The following SIK2 variants were observed in gnomAD, a reference collection of about 807,000 sequenced individuals.
SIK2 encodes the protein serine/threonine-protein kinase SIK2.
SIK2 carries 29 observed loss-of-function variants against 103.2 expected under a neutral mutation model. The observed-to-expected ratio is 0.28, with a 90% CI of 0.21 to 0.38. SIK2 has a LOEUF of 0.38. SIK2 is among the 10% of genes least tolerant of loss of function. The pLI, the probability that SIK2 is intolerant of heterozygous loss-of-function variation, is 1.00. For synonymous variants in SIK2, 412 were observed against 446.1 expected (o/e 0.92, Z 0.96); for missense variants, 879 against 1,171.0 (o/e 0.75, Z 3.64).
intron 1 of SIK2, among the ~76,000 whole-genome samples, chr11:111,611,690 T>G (rs1476057560): frequency 6.6e-6 from 1 of 152,178 alleles, no homozygotes; most frequent in African/African-American, 2.4e-5. Context: ...TATAAATTTA[T>G]TGAAAGTTTT....
chr11:111,603,493 A>G (rs924163717), intron 1 of SIK2, among the ~76,000 whole-genome samples: 3 of 151,796 alleles, frequency 2.0e-5, no homozygotes, highest in Non-Finnish European at 1.5e-5. Flanking sequence ...TTCTGCCTCT[A>G]CTCATAAAGC....
chr11:111,616,971 C>T (rs1336141520), intron 2 of SIK2, among the ~76,000 whole-genome samples: 1 of 152,068 alleles, frequency 6.6e-6, no homozygotes, highest in Non-Finnish European at 1.5e-5. Flanking sequence ...AACCACTAAA[C>T]TAGTATATTA....
chr11:111,716,751 G>A (rs998787908), intron 9 of SIK2, among the ~76,000 whole-genome samples: 9 of 152,142 alleles, frequency 5.9e-5, no homozygotes, highest in South Asian at 4.2e-4. Context: ...AAGTAAAACC[G>A]TAAATTCAGG....
At position 111,727,492 on chromosome 11, in the gene SIK2, T is replaced by C. The variant is rs990377814; in HGVS notation, c.*3363T>C. The C allele has an allele frequency of 5.6e-6, 1 of 179,060 alleles. No individual in the cohort carries two copies. The highest frequency in any genetic ancestry group is 1.2e-5 in the Non-Finnish European group (1 of 83,804). 11.1% of individuals were successfully genotyped at this position (179,060 alleles called of 1,614,324 possible). ...CTTCCCAACTCTGGTGCTGGAGTAA[T>C]GGGGTGCTCTGCATTTTGATGGGGA... On this transcript the variant is annotated 3_prime_UTR_variant, in exon 15 of 15. Coordinates refer to ENST00000304987, the MANE Select transcript of SIK2 (RefSeq NM_015191.3).
At chr11:111,624,628 A>G (rs1941937556) in intron 3 of SIK2, among the ~76,000 whole-genome samples, 2 of 152,264 alleles carry the variant, frequency 1.3e-5, no homozygotes, top group South Asian at 2.1e-4. Context: ...TGTGGTAAGA[A>G]AACTGCAATG....
intron 8 of SIK2, among the ~76,000 whole-genome samples, chr11:111,708,516 G>A (rs1039264911): frequency 6.6e-5 from 10 of 152,124 alleles, no homozygotes; most frequent in African/African-American, 2.4e-4. Context: ...TAATTGAGTT[G>A]AGACTATTTA....
At chr11:111,611,712 G>A (rs1941728677) in intron 1 of SIK2, among the ~76,000 whole-genome samples, 2 of 152,218 alleles carry the variant, frequency 1.3e-5, no homozygotes, top group African/African-American at 2.4e-5. Flanking sequence ...TTAAGATAAT[G>A]TATATATAAT....
chr11:111,638,482 C>A (rs1173058894), intron 3 of SIK2, among the ~76,000 whole-genome samples: 1 of 152,166 alleles, frequency 6.6e-6, no homozygotes, highest in African/African-American at 2.4e-5. Context: ...GTCTTTGGGG[C>A]ATTCTACTAT....
intron 1 of SIK2, among the ~76,000 whole-genome samples, chr11:111,604,705 G>A (rs58749400): frequency 6.6e-6 from 1 of 152,184 alleles, no homozygotes; most frequent in East Asian, 1.9e-4. Flanking sequence ...CGTGTGTGTA[G>A]TATATATGTG....
chr11:111,611,629 A>G (rs975066751), intron 1 of SIK2, among the ~76,000 whole-genome samples: 2 of 152,208 alleles, frequency 1.3e-5, no homozygotes, highest in Non-Finnish European at 2.9e-5. Flanking sequence ...CAGTTTATAC[A>G]GGAAACCTTT....
intron 3 of SIK2, among the ~76,000 whole-genome samples, chr11:111,640,612 G>A (rs1364400623): frequency 6.6e-6 from 1 of 151,942 alleles, no homozygotes; most frequent in Non-Finnish European, 1.5e-5. Context: ...TTGAGGAGGA[G>A]GGTACTATCT....
At chr11:111,608,668 A>G (rs1565304092) in intron 1 of SIK2, among the ~76,000 whole-genome samples, 2 of 152,254 alleles carry the variant, frequency 1.3e-5, no homozygotes, top group African/African-American at 4.8e-5. Context: ...TTGACTATCC[A>G]TATTTTATTT....
chr11:111,705,263 T>C lies in SIK2; in HGVS notation c.1101+124T>C. On this transcript the variant is annotated intron_variant, in intron 8 of 14. Coordinates refer to ENST00000304987, the MANE Select transcript of SIK2 (RefSeq NM_015191.3). The surrounding 1 kb of genome is among the most constrained non-coding windows in gnomAD (Gnocchi z 4.3). ...ACACTCCGTTTTTCTGTAAAATTTC[T>C]GCCTGCCATTCACTAGATTCTCAAA... 9.8e-7 allele frequency: 1 copy of C among 1,021,862 alleles called. No individual in the cohort carries two copies. Among genetic ancestry groups the C allele is most frequent in the Non-Finnish European group, 1.3e-6 (1 of 768,586 alleles). The allele number at this position is 1,021,862 out of a possible 1,614,324, so 63.3% of individuals were successfully genotyped here. A position where few individuals can be genotyped will look rare whatever the true frequency, so the allele number is the denominator to read the frequency against.
At chr11:111,640,147 T>A (rs549716392) in intron 3 of SIK2, among the ~76,000 whole-genome samples, 3 of 152,340 alleles carry the variant, frequency 2.0e-5, no homozygotes, top group Admixed American at 2.0e-4. Flanking sequence ...TAGAACTCTC[T>A]TGCTGTTTTT....
chr11:111,655,486 A>G (rs562757439), intron 3 of SIK2, among the ~76,000 whole-genome samples: 2 of 152,230 alleles, frequency 1.3e-5, no homozygotes, highest in Non-Finnish European at 2.9e-5. Context: ...CTGCTTCTAT[A>G]GGTCAGGCAA....
At chr11:111,709,947 G>C (rs541716078) in intron 8 of SIK2, among the ~76,000 whole-genome samples, 16 of 152,164 alleles carry the variant, frequency 1.1e-4, no homozygotes, top group African/African-American at 1.4e-4. Flanking sequence ...AGTCAGGGAC[G>C]GAGCAGTGTG....
rs1943894328 is a variant in SIK2 at position 111,724,107 on chromosome 11, A to G, written c.2759A>G (p.Asn920Ser). ...EMLDAVDPQH[N>S]GYVLVN ...CTAGACGCTGTGGATCCACAACACA[A>G]CGGGTATGTCCTGGTGAATTAGTCT... is the stretch of plus-strand genomic sequence containing the variant. Residue 920 changes from asparagine to serine, a missense_variant, in exon 15 of 15, where the codon AAC (asparagine) becomes AGC (serine). By Grantham distance (46) the Asn-to-Ser change is conservative. Transcript: ENST00000304987. 6.2e-7 allele frequency: 1 copy of G among 1,611,864 alleles called. No individual in the cohort carries two copies. The highest frequency in any genetic ancestry group is 1.7e-5 in the Admixed American group (1 of 60,008).
intron 3 of SIK2, among the ~76,000 whole-genome samples, chr11:111,677,713 G>A (rs1942722638): frequency 6.6e-6 from 1 of 151,414 alleles, no homozygotes; most frequent in African/African-American, 2.4e-5. Flanking sequence ...ACAGGCTTGA[G>A]CCACCACGCC....
At chr11:111,663,900 G>A (rs1231731533) in intron 3 of SIK2, among the ~76,000 whole-genome samples, 1 of 152,214 alleles carries the variant, frequency 6.6e-6, no homozygotes, top group South Asian at 2.1e-4. Context: ...GGAGACTAAA[G>A]CACAGAAAAG....
Sources: gnomAD v4.1 joint callset for allele counts (sites outside exome capture counted in the v4.1 genomes callset) on GRCh38, gnomAD v4.1.1 for gene constraint, Gnocchi (gnomAD v3.1) non-coding constraint, MANE v1.5 for transcripts, NCBI Gene and HGNC (gene_info 2026-07-23, HGNC 2026-07-21) for gene names.